The following ATRN variants were observed in gnomAD, a reference collection of about 807,000 sequenced individuals.
The protein encoded by ATRN is attractin-2.
ATRN carries 54 observed loss-of-function variants against 178.7 expected under a neutral mutation model. The ratio of observed to expected loss-of-function variants is 0.30; its 90% CI spans 0.24 to 0.38. The LOEUF (loss-of-function observed/expected upper bound fraction) is 0.38, where lower values mean the gene tolerates loss of function less well. Ranked by LOEUF, ATRN falls within the 10% of genes least tolerant of loss-of-function variation. The pLI is 1.00. For synonymous variants in ATRN, 636 were observed against 663.0 expected, an observed-to-expected ratio of 0.96 and a Z score of 0.63; for missense variants, 1,443 against 1,815.1, an observed-to-expected ratio of 0.79 and a Z score of 3.73.
At chr20:3,494,004 T>C (rs2084843602) in intron 1 of ATRN, among the ~76,000 whole-genome samples, 1 of 152,200 alleles carries the variant, frequency 6.6e-6, no homozygotes, top group African/African-American at 2.4e-5. Context: ...CTTGGTAGTG[T>C]AGTGGGCAGA....
At chr20:3,596,581 T>G in intron 21 of ATRN, 152 bp downstream of exon 21, 1 of 737,688 alleles carries the variant, frequency 1.4e-6, no homozygotes, top group South Asian at 1.8e-5. Flanking sequence ...CTGTTAAGTT[T>G]ACTACATATA....
chr20:3,560,436 T>G (rs2085935413), intron 7 of ATRN, among the ~76,000 whole-genome samples: 1 of 152,310 alleles, frequency 6.6e-6, no homozygotes. Context: ...TATTGTCAAT[T>G]GTGCTGCAAT....
rs112781398 is a variant in ATRN at position 3,644,240 on chromosome 20, G to A, written c.4137G>A (p.Leu1379=). The A allele has an allele frequency of 1.0e-4, 163 of 1,614,154 alleles. No individual in the cohort carries two copies. In the African/African-American group the frequency reaches 1.6e-3, roughly 16 times the overall value. Residue 1379 remains leucine, a synonymous_variant, in exon 28 of 29, where the codon CTG becomes CTA. Transcript: ENST00000262919. The part of the protein sequence containing the change: ...LSVFVRLPRG[L]GGIPPPGQSG... ...TGTTTGTGAGGCTCCCTCGAGGCCT[G>A]GGTGGCATCCCTCCTCCTGGGCAGT...
intron 4 of ATRN, among the ~76,000 whole-genome samples, chr20:3,546,358 A>G (rs1349314547): frequency 1.3e-5 from 2 of 148,960 alleles, no homozygotes; most frequent in Non-Finnish European, 3.0e-5. Context: ...CAGTACAATT[A>G]TATTATTATG....
chr20:3,485,610 GTTTTTTTTTTTTTTT>G (rs3084238), intron 1 of ATRN, among the ~76,000 whole-genome samples: 4 of 67,902 alleles, frequency 5.9e-5, no homozygotes, highest in East Asian at 4.1e-4. Context: ...TTTTTTTGAG[GTTTTTTTTTTTTTTT>G]TTTTTTTTTT....
At chr20:3,491,670 C>G (rs761701546) in intron 1 of ATRN, among the ~76,000 whole-genome samples, 13 of 152,144 alleles carry the variant, frequency 8.5e-5, no homozygotes, top group African/African-American at 1.2e-4. Flanking sequence ...CCTCAGTTTT[C>G]TTAGCATTTG....
chr20:3,480,555 G>A (rs2146067334), intron 1 of ATRN, among the ~76,000 whole-genome samples: 2 of 152,246 alleles, frequency 1.3e-5, no homozygotes, highest in Admixed American at 1.3e-4. Flanking sequence ...TCTTAAGCCG[G>A]TTAGAGTTGG....
intron 1 of ATRN, among the ~76,000 whole-genome samples, chr20:3,513,727 A>G (rs891994614): frequency 2.0e-5 from 3 of 152,216 alleles, no homozygotes; most frequent in Non-Finnish European, 4.4e-5. Context: ...ATCCATGAGC[A>G]TGGAATGTTC....
chr20:3,643,594 A>G (rs533574320), intron 27 of ATRN, among the ~76,000 whole-genome samples: 61 of 152,366 alleles, frequency 4.0e-4, no homozygotes, highest in African/African-American at 1.4e-3. Context: ...AGATGAAAAC[A>G]TATTTTCCAG....
intron 1 of ATRN, among the ~76,000 whole-genome samples, chr20:3,508,743 G>C (rs2085081702): frequency 6.6e-6 from 1 of 152,124 alleles, no homozygotes; most frequent in African/African-American, 2.4e-5. Context: ...TTAACTGAAT[G>C]TTAATTGTAT....
chr20:3,518,845 TATTC>T (rs1420882051), intron 1 of ATRN, among the ~76,000 whole-genome samples: 1 of 151,942 alleles, frequency 6.6e-6, no homozygotes, highest in African/African-American at 2.4e-5. Context: ...TGTAATAAAA[TATTC>T]AGTCAGTGCT....
chr20:3,494,626 T>G (rs2084853033), intron 1 of ATRN, among the ~76,000 whole-genome samples: 1 of 152,130 alleles, frequency 6.6e-6, no homozygotes, highest in African/African-American at 2.4e-5. Flanking sequence ...CAATAATTTT[T>G]GGAAGATAGG....
At chr20:3,544,676 T>C (rs980369071) in intron 3 of ATRN, among the ~76,000 whole-genome samples, 4 of 152,154 alleles carry the variant, frequency 2.6e-5, no homozygotes, top group African/African-American at 9.7e-5. Context: ...AAAATAGAAC[T>C]AGTAGTCCTT....
chr20:3,492,065 G>A (rs1406075947), intron 1 of ATRN, among the ~76,000 whole-genome samples: 1 of 152,108 alleles, frequency 6.6e-6, no homozygotes, highest in Non-Finnish European at 1.5e-5. Context: ...CAGGTTGAAT[G>A]TAAGCCTTAT....
rs1454809523 is a variant in ATRN, at chr20:3,576,078, C to T, written c.2214+130C>T. 1.5e-5 allele frequency: 17 copies of T among 1,112,920 alleles called. No individual in the cohort carries two copies. In the East Asian group the frequency reaches 3.5e-4, roughly 23 times the overall value. The allele number at this position is 1,112,920 out of a possible 1,614,324, so 68.9% of individuals were successfully genotyped here. A position where few individuals can be genotyped will look rare whatever the true frequency, so the allele number is the denominator to read the frequency against. Reference sequence around the variant, plus strand: ...TGGGTTTCTATTTGGATTTTATTATCCCTGAGGTTTTCCTTTAGGAAGAGA... The same window carrying T: ...TGGGTTTCTATTTGGATTTTATTATTCCTGAGGTTTTCCTTTAGGAAGAGA... On this transcript the variant is annotated intron_variant, in intron 13 of 28. Transcript: ENST00000262919.
chr20:3,541,865 C>G (rs2085627084), intron 3 of ATRN, among the ~76,000 whole-genome samples: 1 of 152,172 alleles, frequency 6.6e-6, no homozygotes, highest in Non-Finnish European at 1.5e-5. Context: ...ATCAGTTCAA[C>G]AAATATTTTT....
intron 1 of ATRN, chr20:3,490,352 T>C: frequency 3.0e-6 from 3 of 994,302 alleles, no homozygotes. Context: ...AAGGTCACAT[T>C]CTCCCATTTC....
rs2087141197 is a variant in ATRN, at chr20:3,650,786, A to G, written c.*3939A>G. 1 of 152,676 alleles carries G rather than the reference A, an allele frequency of 6.5e-6. No individual in the cohort carries two copies. Among genetic ancestry groups the G allele is most frequent in the Admixed American group, 6.5e-5 (1 of 15,292 alleles). The allele number at this position is 152,676 out of a possible 1,614,324, so 9.5% of individuals were successfully genotyped here. A position where few individuals can be genotyped will look rare whatever the true frequency, so the allele number is the denominator to read the frequency against. ...CGTTGAACTAATTCTGGCTCTGGAA[A>G]TGTTTTTGTTTTATAGTTATTTACG... On this transcript the variant is annotated 3_prime_UTR_variant, in exon 29 of 29. Transcript: ENST00000262919.
intron 6 of ATRN, among the ~76,000 whole-genome samples, chr20:3,559,147 G>T (rs1793946999): frequency 6.6e-6 from 1 of 152,192 alleles, no homozygotes; most frequent in African/African-American, 2.4e-5. Flanking sequence ...TTCAGGAAGT[G>T]TTAGAACCTT....
Sources: allele counts gnomAD v4.1 joint callset (sites outside exome capture counted in the v4.1 genomes callset), GRCh38; gene constraint gnomAD v4.1.1; transcripts MANE v1.5; gene names NCBI Gene and HGNC (gene_info 2026-07-23, HGNC 2026-07-21).